The following FGF12 variants were observed in gnomAD, a reference collection of about 807,000 sequenced individuals.
FGF12 encodes fibroblast growth factor 12B.
Under a neutral mutation model 23.6 loss-of-function variants are expected in FGF12, and 14 were observed. That is an observed-to-expected ratio of 0.59 (90% CI 0.39 to 0.93). The LOEUF (loss-of-function observed/expected upper bound fraction) is 0.93, where lower values mean the gene tolerates loss of function less well. Ranked by LOEUF, FGF12 falls within the 40% of genes least tolerant of loss-of-function variation. FGF12 has a pLI of 0.00. For synonymous variants in FGF12, 62 were observed against 77.3 expected (o/e 0.80, Z 1.04); for missense variants, 175 against 217.8 (o/e 0.80, Z 1.24).
At chr3:192,490,377 C>T (rs1010324116) in intron 2 of FGF12, among the ~76,000 whole-genome samples, 1 of 151,852 alleles carries the variant, frequency 6.6e-6, no homozygotes, top group African/African-American at 2.4e-5. Context: ...AGTAAGTCTA[C>T]CCCTAGTAAT....
intron 4 of FGF12, among the ~76,000 whole-genome samples, chr3:192,333,072 C>A (rs11714083): frequency 0.014 from 2,072 of 152,128 alleles, 29 homozygotes; most frequent in Non-Finnish European, 0.023. Context: ...ATTCCCACCC[C>A]CTCGTAACCT....
chr3:192,546,128 A>T (rs1445835889), intron 2 of FGF12, among the ~76,000 whole-genome samples: 2 of 152,222 alleles, frequency 1.3e-5, no homozygotes, highest in Non-Finnish European at 2.9e-5. Context: ...ACTTTGATTC[A>T]AATCCTGGTT....
chr3:192,279,725 A>C (rs1350786570), intron 4 of FGF12, among the ~76,000 whole-genome samples: 1 of 152,180 alleles, frequency 6.6e-6, no homozygotes, highest in African/African-American at 2.4e-5. Context: ...TTAAAAAGGA[A>C]GGAGGGCAGC....
At chr3:192,618,777 A>G (rs1372467458) in intron 2 of FGF12, among the ~76,000 whole-genome samples, 1 of 151,996 alleles carries the variant, frequency 6.6e-6, no homozygotes, top group Non-Finnish European at 1.5e-5. Flanking sequence ...ATACTAAAAA[A>G]AAAACAGTAA....
chr3:192,385,800 T>G (rs1019343497), intron 2 of FGF12, among the ~76,000 whole-genome samples: 3 of 152,160 alleles, frequency 2.0e-5, no homozygotes, highest in African/African-American at 7.2e-5. Context: ...GCAACCTCAG[T>G]AATGTCTGGG....
intron 4 of FGF12, among the ~76,000 whole-genome samples, chr3:192,176,283 A>G (rs12493357): frequency 0.044 from 6,627 of 152,234 alleles, 188 homozygotes; most frequent in Admixed American, 0.059. Context: ...AAGACTCTTC[A>G]GGTTACAGCA....
intron 2 of FGF12, among the ~76,000 whole-genome samples, chr3:192,498,977 G>A (rs897358201): frequency 6.6e-6 from 1 of 152,052 alleles, no homozygotes; most frequent in Admixed American, 6.5e-5. Context: ...TACCTCTTAC[G>A]CCAAAGAAGC....
intron 2 of FGF12, among the ~76,000 whole-genome samples, chr3:192,442,353 C>A (rs2108797126): frequency 6.6e-6 from 1 of 152,258 alleles, no homozygotes; most frequent in African/African-American, 2.4e-5. Flanking sequence ...GGGCTTGGCA[C>A]AGTATGGACA....
chr3:192,479,821 C>A (rs915739884), intron 2 of FGF12, among the ~76,000 whole-genome samples: 1 of 152,066 alleles, frequency 6.6e-6, no homozygotes, highest in Non-Finnish European at 1.5e-5. Context: ...AAAATTATTA[C>A]GGTAACATGA....
At chr3:192,567,648 T>C (rs1280873717) in intron 2 of FGF12, among the ~76,000 whole-genome samples, 1 of 152,166 alleles carries the variant, frequency 6.6e-6, no homozygotes, top group African/African-American at 2.4e-5. Flanking sequence ...CTTGACTTTT[T>C]AGCTTCTGTT....
intron 2 of FGF12, among the ~76,000 whole-genome samples, chr3:192,411,224 T>C (rs999478539): frequency 1.3e-5 from 2 of 152,028 alleles, no homozygotes; most frequent in Non-Finnish European, 2.9e-5. Context: ...ATCTGTGACG[T>C]TGTTCAGATC....
chr3:192,312,968 T>A (rs1716037597), intron 4 of FGF12, among the ~76,000 whole-genome samples: 1 of 152,156 alleles, frequency 6.6e-6, no homozygotes, highest in Non-Finnish European at 1.5e-5. Context: ...AATGAATGAA[T>A]TCTAGAATTG....
At chr3:192,714,565 C>G (rs1301441188) in intron 2 of FGF12, among the ~76,000 whole-genome samples, 1 of 130,268 alleles carries the variant, frequency 7.7e-6, no homozygotes, top group Non-Finnish European at 1.5e-5. Flanking sequence ...GTCGCCCAGG[C>G]TGGAGTGCAG....
chr3:192,467,001 G>T (rs1185532994), intron 2 of FGF12, among the ~76,000 whole-genome samples: 1 of 152,072 alleles, frequency 6.6e-6, no homozygotes, highest in African/African-American at 2.4e-5. Context: ...TATCCATTTT[G>T]TTGGAAGATG....
intron 2 of FGF12, among the ~76,000 whole-genome samples, chr3:192,473,298 C>T (rs958114144): frequency 3.3e-5 from 5 of 152,196 alleles, no homozygotes; most frequent in Non-Finnish European, 7.3e-5. Context: ...TTTCCTTGTG[C>T]TTTCACTAAT....
At position 192,390,973 on chromosome 3, in the gene FGF12, A is replaced by C. The variant is rs181591749; in HGVS notation, c.14-30435T>G. Among the ~76,000 whole-genome samples the C allele has an allele frequency of 5.5e-3, 843 of 152,336 alleles. 10 individuals carry two copies. The highest frequency in any genetic ancestry group is 0.02 in the Middle Eastern group (6 of 294). Reference sequence around the variant, plus strand: ...TTGCGTTCCCAGTGGAACAACTACCAGGAGGTATCTAGCACGTAGTTGAAA... The same window carrying C: ...TTGCGTTCCCAGTGGAACAACTACCCGGAGGTATCTAGCACGTAGTTGAAA... On this transcript the variant is annotated intron_variant, in intron 2 of 5. Transcript: ENST00000445105.
intron 2 of FGF12, chr3:192,516,372 C>G (rs1206362712): frequency 6.6e-6 from 1 of 152,192 alleles, no homozygotes; most frequent in Non-Finnish European, 1.5e-5. Flanking sequence ...ACTGACCTCA[C>G]CTTTGTTCCA....
rs141899146 is a variant in FGF12 at position 192,224,838 on chromosome 3, C to T, written c.229-54182G>A. 1.2e-3 allele frequency among the ~76,000 whole-genome samples: 177 copies of T among 152,248 alleles called. 3 individuals carry two copies. Among genetic ancestry groups the T allele is most frequent in the African/African-American group, 4.0e-3 (168 of 41,560 alleles). On this transcript the variant is annotated intron_variant, in intron 4 of 5. Coordinates refer to ENST00000445105, the MANE Select transcript of FGF12 (RefSeq NM_004113.6). ...GTTGCCATTGCCACTGAGATTCTTG[C>T]AGTGACCTCTTCTTACGCTAGTAGG...
chr3:192,703,693 T>C (rs1309960483), intron 2 of FGF12, among the ~76,000 whole-genome samples: 2 of 152,206 alleles, frequency 1.3e-5, no homozygotes, highest in Non-Finnish European at 2.9e-5. Flanking sequence ...TCAGTAATTT[T>C]AATCCCCATA....
Sources: gnomAD v4.1 joint callset for allele counts (sites outside exome capture counted in the v4.1 genomes callset) on GRCh38, gnomAD v4.1.1 for gene constraint, MANE v1.5 for transcripts, NCBI Gene and HGNC (gene_info 2026-07-23, HGNC 2026-07-21) for gene names.